Variants in SLC8A3 observed in about 807,000 individuals in gnomAD.
The protein encoded by SLC8A3 is sodium/calcium exchanger 3.
A neutral mutation model predicts 65.4 loss-of-function variants in SLC8A3; 37 were observed. The ratio of observed to expected loss-of-function variants is 0.57; its 90% CI spans 0.44 to 0.74. The LOEUF (loss-of-function observed/expected upper bound fraction) is 0.74. Among genes scored for constraint, SLC8A3 ranks in the 30% least tolerant of loss-of-function variants. The pLI is 0.00. For synonymous variants in SLC8A3, 461 were observed against 444.5 expected, an observed-to-expected ratio of 1.04 and a Z score of -0.47; for missense variants, 1,112 against 1,172.1, an observed-to-expected ratio of 0.95 and a Z score of 0.75.
chr14:70,164,541 C>T (rs943575545), intron 2 of SLC8A3, among the ~76,000 whole-genome samples: 2 of 152,006 alleles, frequency 1.3e-5, no homozygotes, highest in Non-Finnish European at 2.9e-5. Flanking sequence ...CTCATTTGCA[C>T]CAAGATATTA....
At chr14:70,138,086 C>T (rs754079128) in intron 2 of SLC8A3, among the ~76,000 whole-genome samples, 6 of 152,128 alleles carry the variant, frequency 3.9e-5, no homozygotes, top group East Asian at 1.9e-4. Flanking sequence ...GTAGCAGAGA[C>T]GGGAGTGTCC....
At chr14:70,083,686 C>A (rs11846522) in intron 2 of SLC8A3, among the ~76,000 whole-genome samples, 1 of 152,270 alleles carries the variant, frequency 6.6e-6, no homozygotes, top group South Asian at 2.1e-4. Context: ...GAAGTCTATG[C>A]AGTTAGGCTC....
chr14:70,106,869 C>A (rs964676075), intron 2 of SLC8A3, among the ~76,000 whole-genome samples: 7 of 152,076 alleles, frequency 4.6e-5, no homozygotes, highest in Admixed American at 6.5e-5. Flanking sequence ...AAACACAGGA[C>A]CTGACCTATG....
intron 1 of SLC8A3, among the ~76,000 whole-genome samples, chr14:70,178,815 C>G (rs1468116128): frequency 6.6e-6 from 1 of 152,170 alleles, no homozygotes; most frequent in Admixed American, 6.5e-5. Flanking sequence ...ACATCTCTCA[C>G]CTGGACTACT....
chr14:70,166,710 C>T lies in SLC8A3; in HGVS notation c.1713G>A (p.Gly571=), dbSNP rs780601310. Residue 571 remains glycine, a synonymous_variant, in exon 2 of 7, where the codon GGG becomes GGA. Coordinates refer to ENST00000356921, the MANE Select transcript of SLC8A3 (RefSeq NM_182932.3). ...AGTCCTCACCGCCACCCTTGGCTGT[C>T]CCTTCTACTGTCCTAAAGGGGACGA... The part of the protein sequence containing the change: ...TVIVPFRTVE[G]TAKGGGEDFE... 8 of 1,613,916 alleles carry T rather than the reference C, an allele frequency of 5.0e-6. No individual in the cohort carries two copies. In the Admixed American group the frequency reaches 6.7e-5, roughly 13 times the overall value.
chr14:70,135,006 T>C (rs1289869953), intron 2 of SLC8A3, among the ~76,000 whole-genome samples: 1 of 152,172 alleles, frequency 6.6e-6, no homozygotes, highest in Non-Finnish European at 1.5e-5. Flanking sequence ...AAGATGGCTG[T>C]GTATCAGAAT....
chr14:70,182,743 G>A (rs1293193721), intron 1 of SLC8A3, among the ~76,000 whole-genome samples: 1 of 152,108 alleles, frequency 6.6e-6, no homozygotes, highest in East Asian at 1.9e-4. Context: ...GCATGATGGG[G>A]AAAGAGTATA....
At chr14:70,142,944 G>A (rs1294584136) in intron 2 of SLC8A3, among the ~76,000 whole-genome samples, 1 of 152,144 alleles carries the variant, frequency 6.6e-6, no homozygotes, top group African/African-American at 2.4e-5. Context: ...TTTAGGTCTA[G>A]GGCTGTACTC....
rs114964864 is a variant in SLC8A3, at chr14:70,169,070, A to G, written c.-62-586T>C. On this transcript the variant is annotated intron_variant, in intron 1 of 6. Transcript: ENST00000356921. ...GACCTTTGTACATGCCATTATTCTC[A>G]ATCGATTTTGAAATGAGTGTTTCTT... 9.4e-3 allele frequency among the ~76,000 whole-genome samples: 1,425 copies of G among 152,290 alleles called. 19 individuals carry two copies. Among genetic ancestry groups the G allele is most frequent in the African/African-American group, 0.031 (1,308 of 41,546 alleles).
At chr14:70,111,049 A>T (rs1164188798) in intron 2 of SLC8A3, among the ~76,000 whole-genome samples, 1 of 152,222 alleles carries the variant, frequency 6.6e-6, no homozygotes, top group Admixed American at 6.5e-5. Flanking sequence ...TTGGTGGATC[A>T]CACGGTAGCT....
intron 2 of SLC8A3, among the ~76,000 whole-genome samples, chr14:70,165,097 A>G (rs1897097284): frequency 6.6e-6 from 1 of 152,220 alleles, no homozygotes. Context: ...GGTTCAGAAA[A>G]TCTTAGAGCT....
chr14:70,133,447 G>C (rs763801878), intron 2 of SLC8A3, among the ~76,000 whole-genome samples: 22 of 152,138 alleles, frequency 1.4e-4, no homozygotes, highest in Non-Finnish European at 2.6e-4. Context: ...TCTGGCATAG[G>C]AAAATGCCCT....
At chr14:70,070,420 G>C (rs1889901813) in intron 2 of SLC8A3, among the ~76,000 whole-genome samples, 1 of 152,204 alleles carries the variant, frequency 6.6e-6, no homozygotes, top group Non-Finnish European at 1.5e-5. Context: ...GACCAGAAAA[G>C]TTAAGAGACT....
intron 2 of SLC8A3, among the ~76,000 whole-genome samples, chr14:70,103,249 A>T (rs1892649940): frequency 6.6e-6 from 1 of 152,120 alleles, no homozygotes; most frequent in Non-Finnish European, 1.5e-5. Flanking sequence ...ATACATGGAA[A>T]TAGAGAATAT....
chr14:70,061,706 G>A (rs945560076), intron 2 of SLC8A3, among the ~76,000 whole-genome samples: 4 of 152,240 alleles, frequency 2.6e-5, no homozygotes, highest in African/African-American at 4.8e-5. Flanking sequence ...ACTATTTACA[G>A]CTGATGCATT....
At chr14:70,068,287 C>CTT (rs1386326463) in intron 2 of SLC8A3, among the ~76,000 whole-genome samples, 1 of 152,144 alleles carries the variant, frequency 6.6e-6, no homozygotes, top group Non-Finnish European at 1.5e-5. Flanking sequence ...AGGAGGCCTT[C>CTT]TTTATACAGG....
chr14:70,140,697 G>T (rs1895509582), intron 2 of SLC8A3, among the ~76,000 whole-genome samples: 1 of 152,200 alleles, frequency 6.6e-6, no homozygotes, highest in African/African-American at 2.4e-5. Flanking sequence ...TAATGTAGGT[G>T]TACATTAATG....
chr14:70,097,286 TAAA>T (rs5809459), intron 2 of SLC8A3, among the ~76,000 whole-genome samples: 1 of 145,790 alleles, frequency 6.9e-6, no homozygotes, highest in Non-Finnish European at 1.5e-5. Flanking sequence ...CATTTTCCTT[TAAA>T]AAAAAAAAAA....
chr14:70,055,695 C>G (rs927026269), intron 3 of SLC8A3: 40 of 921,270 alleles, frequency 4.3e-5, no homozygotes, highest in Non-Finnish European at 5.8e-5. Context: ...TTAACTTGAG[C>G]CTGCAGTTCT....
Sources: allele counts gnomAD v4.1 joint callset (sites outside exome capture counted in the v4.1 genomes callset), GRCh38; gene constraint gnomAD v4.1.1; transcripts MANE v1.5; gene names NCBI Gene and HGNC (gene_info 2026-07-23, HGNC 2026-07-21).